The following CATSPER2 variants were observed in gnomAD, a reference collection of about 807,000 sequenced individuals.
The protein encoded by CATSPER2 is cation channel sperm-associated protein 2.
In CATSPER2, 56 loss-of-function variants were observed where a neutral mutation model predicts 68.8. That is an observed-to-expected ratio of 0.81 (90% CI 0.66 to 1.02). CATSPER2 has a LOEUF of 1.02. CATSPER2 is among the 50% of genes least tolerant of loss of function. The pLI, the probability that CATSPER2 is intolerant of heterozygous loss-of-function variation, is 0.00. For synonymous variants in CATSPER2, 198 were observed against 229.9 expected, an observed-to-expected ratio of 0.86 and a Z score of 1.26; for missense variants, 582 against 642.0, an observed-to-expected ratio of 0.91 and a Z score of 1.01.
Position 43,648,629 on chromosome 15 carries a change from C to G in CATSPER2, c.-3G>C. 7.2e-7 allele frequency: 1 copy of G among 1,394,052 alleles called. No homozygotes were observed. The highest frequency in any genetic ancestry group is 1.6e-5 in the South Asian group (1 of 61,470). The allele number at this position is 1,394,052 out of a possible 1,614,324, so 86.4% of individuals were successfully genotyped here. A position where few individuals can be genotyped will look rare whatever the true frequency, so the allele number is the denominator to read the frequency against. ...CTCCATTCTCGCTTCTGGGCCTCAC[C>G]TCAGCCCAGGTTCTCTTTGCCCACT... is the stretch of plus-strand genomic sequence containing the variant. On this transcript the variant is annotated splice_region_variant and 5_prime_UTR_variant, in exon 1 of 13. Transcript: ENST00000396879.
intron 9 of CATSPER2, 114 bp from the exon 10 acceptor site, chr15:43,635,530 T>C (rs2141554590): frequency 3.2e-6 from 4 of 1,255,514 alleles, no homozygotes; most frequent in African/African-American, 3.0e-5. Context: ...GAACAAATTG[T>C]AGTCAAGGGG....
rs1313883166 is a variant in CATSPER2 at position 43,648,192 on chromosome 15, C to A, written c.-2-129G>T. On this transcript the variant is annotated intron_variant, in intron 1 of 12. Transcript: ENST00000396879. ...TCCTTAATGTACCCACATCTACGAA[C>A]TAGGAGCAGTTGGGAAGAACAAACA... The A allele has an allele frequency of 8.2e-6, 9 of 1,104,002 alleles. No homozygotes were observed. The East Asian group carries it at 2.1e-4, about 26-fold the overall frequency. 68.4% of individuals were successfully genotyped at this position (1,104,002 alleles called of 1,614,324 possible).
chr15:43,631,066 T>C (rs918999163), intron 12 of CATSPER2, among the ~76,000 whole-genome samples: 12 of 151,978 alleles, frequency 7.9e-5, no homozygotes, highest in Admixed American at 3.3e-4. Flanking sequence ...CTAAATTCCA[T>C]GTTCCAATAT....
At position 43,632,303 on chromosome 15, in the gene CATSPER2, T is replaced by C. The variant is rs2085887921; in HGVS notation, c.1457A>G (p.Gln486Arg). 3.1e-6 allele frequency: 5 copies of C among 1,613,732 alleles called. No individual in the cohort carries two copies. The highest frequency in any genetic ancestry group is 4.2e-6 in the Non-Finnish European group (5 of 1,179,862). ...GTCTCTGGGCCAAACACGGTCATCC[T>C]GATCCATTTCCATTAGCCCGGGCAG... is the stretch of plus-strand genomic sequence containing the variant. ...ENLPGLMEMD[Q>R]DDRVWPRDSL... The change falls in exon 12 of 13, where the codon CAG becomes CGG. Residue 486 changes from glutamine (Q) to arginine (R), a missense_variant. By Grantham distance (43) the Gln-to-Arg change is conservative. Coordinates refer to ENST00000396879, the MANE Select transcript of CATSPER2 (RefSeq NM_172095.4).
At position 43,635,837 on chromosome 15, in the gene CATSPER2, G is replaced by C. The variant is rs1236749417; in HGVS notation, c.1022-11C>G. 1 of 1,610,058 alleles carries C rather than the reference G, an allele frequency of 6.2e-7. No individual in the cohort carries two copies. Among genetic ancestry groups the C allele is most frequent in the East Asian group, 2.2e-5 (1 of 44,842 alleles). ...TCTGAAAGTTAGTAACTGCCCCAAA[G>C]GGCCATTAGGAGCTGGGAGATGGTA... On this transcript the variant is annotated splice_polypyrimidine_tract_variant and intron_variant, in intron 8 of 12. Coordinates refer to ENST00000396879, the MANE Select transcript of CATSPER2 (RefSeq NM_172095.4).
chr15:43,632,114 A>G, intron 12 of CATSPER2, 85 bp downstream of exon 12: 4 of 1,438,930 alleles, frequency 2.8e-6, no homozygotes, highest in Non-Finnish European at 2.0e-6. Flanking sequence ...GAGATGCCAG[A>G]ATAGTGGACA....
intron 12 of CATSPER2, among the ~76,000 whole-genome samples, chr15:43,631,005 A>C (rs1399454311): frequency 6.6e-6 from 1 of 152,024 alleles, no homozygotes; most frequent in Non-Finnish European, 1.5e-5. Context: ...GAACAGGATT[A>C]AATTTAGGCA....
At chr15:43,635,665 C>T in intron 9 of CATSPER2, 62 bp downstream of exon 9, 2 of 1,498,982 alleles carry the variant, frequency 1.3e-6, no homozygotes, top group Non-Finnish European at 1.8e-6. Flanking sequence ...GAAGTAGAAA[C>T]AAGAAATGAG....
chr15:43,648,633 G>C lies in CATSPER2; in HGVS notation c.-7C>G. On this transcript the variant is annotated 5_prime_UTR_variant, in exon 1 of 13. Transcript: ENST00000396879. ...ATTCTCGCTTCTGGGCCTCACCTCA[G>C]CCCAGGTTCTCTTTGCCCACTCAGT... The C allele has an allele frequency of 1.4e-6, 2 of 1,396,178 alleles. No homozygotes were observed. The highest frequency in any genetic ancestry group is 9.3e-7 in the Non-Finnish European group (1 of 1,079,262). The allele number at this position is 1,396,178 out of a possible 1,614,324, so 86.5% of individuals were successfully genotyped here. A position where few individuals can be genotyped will look rare whatever the true frequency, so the allele number is the denominator to read the frequency against.
intron 12 of CATSPER2, 76 bp downstream of exon 12, chr15:43,632,123 C>T (rs2085882299): frequency 1.4e-6 from 2 of 1,451,288 alleles, no homozygotes; most frequent in African/African-American, 1.4e-5. Flanking sequence ...GAATAGTGGA[C>T]ACCCTCCTCC....
Position 43,632,374 on chromosome 15 carries a change from G to A in CATSPER2, c.1397-11C>T. The A allele has an allele frequency of 1.9e-6, 3 of 1,613,114 alleles. 1 individual carries two copies. Among genetic ancestry groups the A allele is most frequent in the Non-Finnish European group, 2.5e-6 (3 of 1,179,664 alleles). On this transcript the variant is annotated splice_polypyrimidine_tract_variant and intron_variant, in intron 11 of 12. Transcript: ENST00000396879. ...CCCAGTCCAAACGACCTGCAGGGAGGAATGCTTCAGAAAAGCACGTCTAGA... is the reference window on the plus strand; with the variant it reads ...CCCAGTCCAAACGACCTGCAGGGAGAAATGCTTCAGAAAAGCACGTCTAGA...
intron 4 of CATSPER2, among the ~76,000 whole-genome samples, chr15:43,645,555 G>C (rs1280160508): frequency 6.6e-6 from 1 of 151,802 alleles, no homozygotes; most frequent in Non-Finnish European, 1.5e-5. Context: ...GGGAGGCTAA[G>C]GCATGAGGAT....
rs1388471796 is a variant in CATSPER2 at position 43,640,029 on chromosome 15, T to C, written c.562-231A>G. 5 of 1,444,318 alleles carry C rather than the reference T, an allele frequency of 3.5e-6. No individual in the cohort carries two copies. In the East Asian group the frequency reaches 1.3e-4, roughly 37 times the overall value. 89.5% of individuals were successfully genotyped at this position (1,444,318 alleles called of 1,614,324 possible). A position where few individuals can be genotyped will look rare whatever the true frequency, so the allele number is the denominator to read the frequency against. On this transcript the variant is annotated intron_variant, in intron 5 of 12. Transcript: ENST00000396879. ...ATTCATGGTTATTTAATTGGGTTGT[T>C]GTGGAGCATAAATGAGATAATGTAA...
rs911166026 is a variant in CATSPER2 at position 43,635,213 on chromosome 15, A to C, written c.1178+147T>G. The C allele has an allele frequency of 4.1e-4, 325 of 784,274 alleles. 8 individuals are homozygous for C. The highest frequency in any genetic ancestry group is 2.3e-4 in the Non-Finnish European group (102 of 436,776). The allele number at this position is 784,274 out of a possible 1,614,324, so 48.6% of individuals were successfully genotyped here. A position where few individuals can be genotyped will look rare whatever the true frequency, so the allele number is the denominator to read the frequency against. ...GGTTCCAGGGAGCAAAGACATGGAC[A>C]TATTATTTCGGGTGCCACTAGTCAA... On this transcript the variant is annotated intron_variant, in intron 10 of 12. Coordinates refer to ENST00000396879, the MANE Select transcript of CATSPER2 (RefSeq NM_172095.4).
chr15:43,640,128 G>A, intron 5 of CATSPER2, 196 bp downstream of exon 5: 1 of 1,453,270 alleles, frequency 6.9e-7, no homozygotes, highest in Non-Finnish European at 9.1e-7. Context: ...TGGCATTGAT[G>A]TTGTAGTTAG....
At chr15:43,648,586 G>A (rs1595986994) in intron 1 of CATSPER2, 43 bp downstream of exon 1, 1 of 1,368,182 alleles carries the variant, frequency 7.3e-7, no homozygotes. Flanking sequence ...ACTCCTTCGG[G>A]GGCTAGCTCC....
chr15:43,633,055 A>T, intron 10 of CATSPER2, 121 bp from the exon 11 acceptor site: 1 of 771,078 alleles, frequency 1.3e-6, no homozygotes, highest in South Asian at 1.8e-5. Flanking sequence ...GGGCCAAACT[A>T]CTCCCAAACT....
intron 10 of CATSPER2, 174 bp from the exon 11 acceptor site, chr15:43,633,108 C>T (rs1267194413): frequency 5.9e-5 from 53 of 895,272 alleles, no homozygotes; most frequent in Non-Finnish European, 7.6e-5. Context: ...ATGTGTCATC[C>T]TTAACTCTTC....
chr15:43,647,007 G>A (rs751478084), intron 4 of CATSPER2, 43 bp downstream of exon 4: 292 of 1,531,836 alleles, frequency 1.9e-4, no homozygotes, highest in Non-Finnish European at 2.4e-4. Flanking sequence ...GTGAGCCGGC[G>A]TGCCCGGCCT....
Sources: gnomAD v4.1 joint callset for allele counts (sites outside exome capture counted in the v4.1 genomes callset) on GRCh38, gnomAD v4.1.1 for gene constraint, MANE v1.5 for transcripts, NCBI Gene and HGNC (gene_info 2026-07-23, HGNC 2026-07-21) for gene names.